Variants in MAD1L1 observed in about 807,000 individuals in gnomAD.
MAD1L1 encodes mitotic spindle assembly checkpoint protein MAD1.
A neutral mutation model predicts 96.9 loss-of-function variants in MAD1L1; 95 were observed. The ratio of observed to expected loss-of-function variants is 0.98; its 90% confidence interval spans 0.83 to 1.16. MAD1L1 has a LOEUF of 1.16. MAD1L1 is among the 50% of genes most tolerant of loss of function. MAD1L1 has a pLI of 0.00. For synonymous variants in MAD1L1, 473 were observed against 396.6 expected (o/e 1.19, Z -2.29); for missense variants, 1,007 against 954.4 (o/e 1.06, Z -0.73).
At chr7:2,221,107 C>G in intron 5 of MAD1L1, 1 of 1,360,852 alleles carries the variant, frequency 7.3e-7, no homozygotes, top group Non-Finnish European at 1.0e-6. Context: ...CATGACAGGC[C>G]AAAGCAGCAG....
chr7:2,206,682 T>C (rs543664995), intron 10 of MAD1L1, among the ~76,000 whole-genome samples: 1 of 152,376 alleles, frequency 6.6e-6, no homozygotes, highest in East Asian at 1.9e-4. Context: ...TTTATGCAAT[T>C]TACAACGTGT....
At chr7:2,065,738 C>T (rs561825330) in intron 12 of MAD1L1, among the ~76,000 whole-genome samples, 150 of 152,344 alleles carry the variant, frequency 9.8e-4, no homozygotes, top group Middle Eastern at 3.4e-3. Context: ...TCCGACGCCG[C>T]TGGACACCCA....
At chr7:2,025,010 T>A (rs552964946) in intron 12 of MAD1L1, among the ~76,000 whole-genome samples, 7 of 152,004 alleles carry the variant, frequency 4.6e-5, no homozygotes, top group Non-Finnish European at 7.4e-5. Context: ...ACACAAAGAG[T>A]AAACTTTAAT....
At chr7:2,157,253 G>A (rs1789892534) in intron 10 of MAD1L1, among the ~76,000 whole-genome samples, 1 of 152,162 alleles carries the variant, frequency 6.6e-6, no homozygotes, top group South Asian at 2.1e-4. Context: ...CACTGTTGTG[G>A]GGAGGCCTGG....
intron 12 of MAD1L1, among the ~76,000 whole-genome samples, chr7:2,046,848 G>A (rs1415460983): frequency 1.3e-5 from 2 of 152,172 alleles, no homozygotes; most frequent in Admixed American, 1.3e-4. Flanking sequence ...GTCTAAGGAG[G>A]AGGAGCAGCG....
At chr7:2,062,771 G>A (rs535087353) in intron 12 of MAD1L1, among the ~76,000 whole-genome samples, 9 of 152,260 alleles carry the variant, frequency 5.9e-5, no homozygotes, top group Admixed American at 6.5e-5. Context: ...GTGGGGCTGA[G>A]CCACACCCAC....
chr7:2,160,136 C>A (rs1790031341), intron 10 of MAD1L1, among the ~76,000 whole-genome samples: 1 of 151,006 alleles, frequency 6.6e-6, no homozygotes, highest in African/African-American at 2.4e-5. Flanking sequence ...GATGCTGAGG[C>A]GGGAGGATCT....
At chr7:2,059,203 A>AG in intron 12 of MAD1L1, among the ~76,000 whole-genome samples, 3 of 117,682 alleles carry the variant, frequency 2.5e-5, no homozygotes, top group Non-Finnish European at 1.8e-5. Flanking sequence ...GCCAGAGGAG[A>AG]GAAGCAGGGC....
chr7:1,967,858 A>G (rs1780234592), intron 15 of MAD1L1, among the ~76,000 whole-genome samples: 1 of 148,460 alleles, frequency 6.7e-6, no homozygotes, highest in African/African-American at 2.6e-5. Context: ...CACTGCTGGC[A>G]ATAAACAAGT....
chr7:1,869,241 A>G (rs1377095710), intron 18 of MAD1L1, among the ~76,000 whole-genome samples: 25 of 152,114 alleles, frequency 1.6e-4, no homozygotes, highest in Admixed American at 1.6e-3. Context: ...CCAGGGAAGG[A>G]GCAGTCAGCC....
intron 11 of MAD1L1, among the ~76,000 whole-genome samples, chr7:2,144,290 G>A (rs528610010): frequency 6.6e-6 from 1 of 152,234 alleles, no homozygotes; most frequent in Non-Finnish European, 1.5e-5. Context: ...GGGCAGATGC[G>A]AGACAAACAC....
chr7:2,046,366 G>A (rs1211995178), intron 12 of MAD1L1, among the ~76,000 whole-genome samples: 2 of 152,170 alleles, frequency 1.3e-5, no homozygotes, highest in African/African-American at 2.4e-5. Context: ...CAGCGAGCTA[G>A]GAAACCCATG....
At chr7:2,159,415 A>G (rs1278241851) in intron 10 of MAD1L1, among the ~76,000 whole-genome samples, 1 of 152,146 alleles carries the variant, frequency 6.6e-6, no homozygotes, top group Admixed American at 6.5e-5. Context: ...TTGAGTCTTC[A>G]ATGGAATGTC....
chr7:1,911,137 C>T (rs968721977), intron 17 of MAD1L1, among the ~76,000 whole-genome samples: 2 of 152,186 alleles, frequency 1.3e-5, no homozygotes, highest in Admixed American at 1.3e-4. Context: ...CCCTCCATCC[C>T]CCGCACCCCT....
chr7:1,922,918 G>GC (rs1788881203), intron 17 of MAD1L1, among the ~76,000 whole-genome samples: 1 of 152,240 alleles, frequency 6.6e-6, no homozygotes, highest in South Asian at 2.1e-4. Flanking sequence ...GATTGTACCA[G>GC]CTGACGCTCG....
At chr7:1,943,021 T>C (rs1779072454) in intron 16 of MAD1L1, among the ~76,000 whole-genome samples, 1 of 152,130 alleles carries the variant, frequency 6.6e-6, no homozygotes, top group African/African-American at 2.4e-5. Context: ...GACCTTTCGA[T>C]AGGGAAAAAT....
At chr7:2,036,924 G>A (rs1287113875) in intron 12 of MAD1L1, among the ~76,000 whole-genome samples, 2 of 152,012 alleles carry the variant, frequency 1.3e-5, no homozygotes, top group African/African-American at 2.4e-5. Context: ...CACGAGGCAC[G>A]CTCCGCCTCC....
At chr7:2,009,123 C>T (rs898868603) in intron 13 of MAD1L1, among the ~76,000 whole-genome samples, 1 of 152,226 alleles carries the variant, frequency 6.6e-6, no homozygotes, top group African/African-American at 2.4e-5. Context: ...GACCACGTGT[C>T]CCGGGTGGCT....
chr7:1,962,064 G>A (rs1431960089), intron 15 of MAD1L1, among the ~76,000 whole-genome samples: 5 of 151,904 alleles, frequency 3.3e-5, no homozygotes, highest in African/African-American at 9.7e-5. Context: ...CCGTTCTCAC[G>A]TGTTGTGGGA....
Sources: allele counts gnomAD v4.1 joint callset (sites outside exome capture counted in the v4.1 genomes callset), GRCh38; gene constraint gnomAD v4.1.1; transcripts MANE v1.5; gene names NCBI Gene and HGNC (gene_info 2026-07-23, HGNC 2026-07-21).